Variants in RBFOX1 observed in about 807,000 individuals in gnomAD.
RBFOX1 encodes the protein RNA binding fox-1 homolog 1.
RBFOX1 carries 8 observed loss-of-function variants against 57.7 expected under a neutral mutation model. The observed-to-expected ratio is 0.14, with a 90% CI of 0.08 to 0.25. RBFOX1 has a LOEUF of 0.25. Among genes scored for constraint, RBFOX1 ranks in the 10% least tolerant of loss-of-function variants. RBFOX1 has a pLI of 1.00. For synonymous variants in RBFOX1, 326 were observed against 222.4 expected (o/e 1.47, Z -4.15); for missense variants, 611 against 548.5 (o/e 1.11, Z -1.14).
chr16:6,341,387 A>G lies in RBFOX1; in HGVS notation c.-64+24330A>G, dbSNP rs188053399. ...TCTCCATCTTGTATAGGAGATGAGT[A>G]AAAGGAGGTTGAGACTTCCTGGGCG... is the stretch of plus-strand genomic sequence containing the variant. On this transcript the variant is annotated intron_variant, in intron 2 of 15. Coordinates refer to ENST00000550418, the MANE Select transcript of RBFOX1 (RefSeq NM_018723.4). Among the ~76,000 whole-genome samples, 72 of 152,252 alleles carry G rather than the reference A, an allele frequency of 4.7e-4. No homozygotes were observed. The East Asian group carries it at 8.9e-3, about 19-fold the overall frequency.
At chr16:7,493,125 C>A (rs1014160429) in intron 4 of RBFOX1, among the ~76,000 whole-genome samples, 1 of 152,108 alleles carries the variant, frequency 6.6e-6, no homozygotes, top group African/African-American at 2.4e-5. Context: ...GGGATTCGCC[C>A]GCCTCTGCCT....
intron 2 of RBFOX1, among the ~76,000 whole-genome samples, chr16:5,503,786 C>G (rs1396651599): frequency 2.0e-5 from 3 of 152,136 alleles, no homozygotes; most frequent in Non-Finnish European, 4.4e-5. Flanking sequence ...GCAACCATCT[C>G]CACCATCACT....
intron 3 of RBFOX1, among the ~76,000 whole-genome samples, chr16:7,041,181 G>A (rs970330552): frequency 2.1e-5 from 3 of 140,712 alleles, no homozygotes; most frequent in Admixed American, 7.9e-5. Context: ...TGATCCACCC[G>A]CCTTGTCCTC....
intron 1 of RBFOX1, among the ~76,000 whole-genome samples, chr16:5,413,066 C>T (rs1350843694): frequency 6.6e-6 from 1 of 152,140 alleles, no homozygotes; most frequent in Non-Finnish European, 1.5e-5. Context: ...AGGGGGTGTG[C>T]AGAAGAAAGG....
intron 2 of RBFOX1, among the ~76,000 whole-genome samples, chr16:6,408,750 A>C (rs1177291133): frequency 6.6e-6 from 1 of 152,190 alleles, no homozygotes. Context: ...TTGAATTCAC[A>C]GGTCAAACAA....
intron 3 of RBFOX1, among the ~76,000 whole-genome samples, chr16:6,938,640 G>T (rs1407993121): frequency 6.6e-6 from 1 of 152,140 alleles, no homozygotes; most frequent in Non-Finnish European, 1.5e-5. Flanking sequence ...GGACAATCTA[G>T]GTTAAAGGGC....
chr16:7,144,155 A>C (rs1263798589), intron 4 of RBFOX1, among the ~76,000 whole-genome samples: 1 of 152,152 alleles, frequency 6.6e-6, no homozygotes, highest in Non-Finnish European at 1.5e-5. Context: ...GTTTGCAAAA[A>C]TGATTGTTTA....
At chr16:7,707,394 G>C in intron 14 of RBFOX1, among the ~76,000 whole-genome samples, 1 of 152,060 alleles carries the variant, frequency 6.6e-6, no homozygotes, top group African/African-American at 2.4e-5. Flanking sequence ...AGGAAAATGG[G>C]GGGAAAACAG....
chr16:7,268,690 T>C (rs1435917020), intron 4 of RBFOX1, among the ~76,000 whole-genome samples: 1 of 152,076 alleles, frequency 6.6e-6, no homozygotes, highest in African/African-American at 2.4e-5. Context: ...TATTTGGAAA[T>C]TAGTACTAGA....
At chr16:5,653,639 G>C (rs116711111) in intron 3 of RBFOX1, among the ~76,000 whole-genome samples, 6,209 of 152,230 alleles carry the variant, frequency 0.041, 414 homozygotes, top group African/African-American at 0.14. Context: ...CTGTTCTGCC[G>C]CATGTGCAGC....
At chr16:7,316,055 C>T (rs1378836604) in intron 4 of RBFOX1, among the ~76,000 whole-genome samples, 3 of 152,182 alleles carry the variant, frequency 2.0e-5, no homozygotes, top group Admixed American at 1.3e-4. Flanking sequence ...TCTGATAGTT[C>T]TTCCTGGCTT....
chr16:7,165,763 C>G (rs187816137), intron 4 of RBFOX1, among the ~76,000 whole-genome samples: 2 of 151,962 alleles, frequency 1.3e-5, no homozygotes, highest in African/African-American at 4.8e-5. Flanking sequence ...ACTTTGTTCT[C>G]CAATTCTTAG....
intron 1 of RBFOX1, among the ~76,000 whole-genome samples, chr16:5,424,033 C>T (rs549772324): frequency 1.3e-5 from 2 of 152,226 alleles, no homozygotes; most frequent in Non-Finnish European, 2.9e-5. Context: ...CCAACCCTCA[C>T]TGTCCTAGGG....
At chr16:6,813,177 C>G (rs974354864) in intron 3 of RBFOX1, among the ~76,000 whole-genome samples, 2 of 152,058 alleles carry the variant, frequency 1.3e-5, no homozygotes, top group African/African-American at 2.4e-5. Flanking sequence ...CAATGACTTC[C>G]TATAACAAAA....
intron 3 of RBFOX1, among the ~76,000 whole-genome samples, chr16:6,868,904 T>C (rs980980824): frequency 6.6e-6 from 1 of 152,186 alleles, no homozygotes. Flanking sequence ...ATGCTTGAAG[T>C]GACATTTTGT....
At chr16:6,257,358 C>A (rs1170401465) in intron 1 of RBFOX1, among the ~76,000 whole-genome samples, 1 of 152,040 alleles carries the variant, frequency 6.6e-6, no homozygotes, top group African/African-American at 2.4e-5. Context: ...TTAGCCAAAT[C>A]TCTTTTCCCC....
intron 3 of RBFOX1, chr16:6,874,005 T>C (rs1245129085): frequency 6.6e-6 from 1 of 152,158 alleles, no homozygotes; most frequent in African/African-American, 2.4e-5. Flanking sequence ...TTCATATTTT[T>C]AGTAAAAGTA....
At chr16:6,965,017 A>C (rs777204166) in intron 3 of RBFOX1, among the ~76,000 whole-genome samples, 11 of 152,028 alleles carry the variant, frequency 7.2e-5, no homozygotes, top group Non-Finnish European at 1.5e-4. Context: ...AATGATTATG[A>C]TTGTTGCTTT....
rs190665009 is a variant in RBFOX1, at chr16:5,903,853, A to T, written c.351+36518A>T. Among the ~76,000 whole-genome samples the T allele has an allele frequency of 2.6e-5, 4 of 152,274 alleles. No homozygotes were observed. The East Asian group carries it at 7.7e-4, about 29-fold the overall frequency. On this transcript the variant is annotated intron_variant, in intron 4 of 19. Coordinates refer to the RBFOX1 transcript ENST00000641259. Reference sequence around the variant, plus strand: ...ATTGCGAGGGACCATAGGAAAGCAGATGCGGGGGCCTTGGTTGGTGCAAGC... The same window carrying T: ...ATTGCGAGGGACCATAGGAAAGCAGTTGCGGGGGCCTTGGTTGGTGCAAGC...
Sources: allele counts gnomAD v4.1 joint callset (sites outside exome capture counted in the v4.1 genomes callset), GRCh38; gene constraint gnomAD v4.1.1; transcripts MANE v1.5; gene names NCBI Gene and HGNC (gene_info 2026-07-23, HGNC 2026-07-21).